The following ZFP62 variants were observed in gnomAD, a reference collection of about 807,000 sequenced individuals.
ZFP62 encodes the protein ZFP62 zinc finger protein.
A neutral mutation model predicts 56.4 loss-of-function variants in ZFP62; 44 were observed. That is an observed-to-expected ratio of 0.78 (90% confidence interval 0.61 to 1.00). The LOEUF (loss-of-function observed/expected upper bound fraction) is 1.00, where lower values mean the gene tolerates loss of function less well. Among genes scored for constraint, ZFP62 ranks in the 50% least tolerant of loss-of-function variants. The pLI, the probability that ZFP62 is intolerant of heterozygous loss-of-function variation, is 0.00. For synonymous variants in ZFP62, 421 were observed against 388.9 expected (o/e 1.08, Z -0.97); for missense variants, 1,030 against 1,085.7 (o/e 0.95, Z 0.72).
In ZFP62 at chr5:180,851,313, A is replaced by G; in HGVS notation, c.182T>C (p.Met61Thr). 1 of 1,551,516 alleles carries G rather than the reference A, an allele frequency of 6.4e-7. No homozygotes were observed. The highest frequency in any genetic ancestry group is 8.7e-7 in the Non-Finnish European group (1 of 1,146,968). ...NQQKKPVENR[M>T]KEDKSSIREA... The stretch of plus-strand genomic sequence containing the variant: ...CCTGATGCTGCTTTTGTCCTCCTTC[A>G]TCCTGTTTTCCACAGGCTTTTTCTG... The change falls in exon 2 of 2, where the codon ATG becomes ACG. Residue 61 changes from methionine to threonine, a missense_variant. Coordinates refer to ENST00000502412, the MANE Select transcript of ZFP62 (RefSeq NM_001172638.2).
chr5:180,849,820 G>T lies in ZFP62; in HGVS notation c.1675C>A (p.Arg559=). 6.4e-7 allele frequency: 1 copy of T among 1,551,668 alleles called. No individual in the cohort carries two copies. Among genetic ancestry groups the T allele is most frequent in the Non-Finnish European group, 8.7e-7 (1 of 1,147,008 alleles). ...KVHKRIHTGE[R]PYKCEECGKA... is the part of the protein sequence containing the mutation. ...CCACATTCTTCACATTTGTAAGGTC[G>T]TTCCCCAGTGTGGATTCGTTTATGT... Residue 559 remains arginine, a synonymous_variant, in exon 2 of 2, where the codon CGA becomes AGA. Coordinates refer to ENST00000502412, the MANE Select transcript of ZFP62 (RefSeq NM_001172638.2).
rs1225721530 is a variant in ZFP62, at chr5:180,850,586, G to A, written c.909C>T (p.His303=). The change falls in exon 2 of 2, where the codon CAC becomes CAT. Residue 303 remains histidine, a synonymous_variant. Coordinates refer to ENST00000502412, the MANE Select transcript of ZFP62 (RefSeq NM_001172638.2). ...SSGLRVHKRI[H]TGEKPYECDE... is the part of the protein sequence containing the mutation. The stretch of plus-strand genomic sequence containing the variant: ...CACATTCGTAAGGTTTCTCACCTGT[G>A]TGGATCCTTTTATGGACCCTAAGGC... The A allele has an allele frequency of 2.6e-6, 4 of 1,561,598 alleles. No homozygotes were observed. Among genetic ancestry groups the A allele is most frequent in the Middle Eastern group, 3.3e-4 (2 of 6,004 alleles).
At position 180,850,349 on chromosome 5, in the gene ZFP62, C is replaced by A; in HGVS notation, c.1146G>T (p.Val382=). The A allele has an allele frequency of 6.4e-7, 1 of 1,569,014 alleles. No homozygotes were observed. Among genetic ancestry groups the A allele is most frequent in the East Asian group, 2.4e-5 (1 of 42,344 alleles). Residue 382 remains valine, a synonymous_variant, in exon 2 of 2, where the codon GTG becomes GTT. Coordinates refer to ENST00000502412, the MANE Select transcript of ZFP62 (RefSeq NM_001172638.2). ...KAFRNSSGLI[V]HKRIHTGEKP... Reference sequence around the variant, plus strand: ...TCTCTCCTGTGTGGATCCTTTTATGCACTATGAGGCCTGAGCTGTTCCTGA... The same window carrying A: ...TCTCTCCTGTGTGGATCCTTTTATGAACTATGAGGCCTGAGCTGTTCCTGA...
rs1179590644 is a variant in ZFP62 at position 180,849,334 on chromosome 5, T to C, written c.2161A>G (p.Arg721Gly). Reference sequence around the variant, plus strand: ...AAGGGTTTCTCCCCAAGATGGACTCTTTTATGGCTTATAAGAGTTCTGCTT... The same window carrying C: ...AAGGGTTTCTCCCCAAGATGGACTCCTTTATGGCTTATAAGAGTTCTGCTT... The part of the protein sequence containing the change: ...FSSRTLISHK[R>G]VHLGEKPFKC... The change falls in exon 2 of 2, where the codon AGA becomes GGA. Residue 721 changes from arginine (R) to glycine (G), a missense_variant. By Grantham distance (125) the Arg-to-Gly change is moderately radical (BLOSUM62 -2). Coordinates refer to ENST00000502412, the MANE Select transcript of ZFP62 (RefSeq NM_001172638.2). The C allele has an allele frequency of 6.4e-7, 1 of 1,551,930 alleles. No individual in the cohort carries two copies. The highest frequency in any genetic ancestry group is 8.7e-7 in the Non-Finnish European group (1 of 1,147,096).
rs897128860 is a variant in ZFP62, at chr5:180,849,876, T to C, written c.1619A>G (p.Lys540Arg). 1.9e-5 allele frequency: 30 copies of C among 1,551,652 alleles called. No individual in the cohort carries two copies. In the African/African-American group the frequency reaches 2.1e-4, roughly 11 times the overall value. Residue 540 changes from lysine to arginine, a missense_variant, in exon 2 of 2, where the codon AAA (lysine) becomes AGA (arginine). Coordinates refer to ENST00000502412, the MANE Select transcript of ZFP62 (RefSeq NM_001172638.2). ...AAGGCCAGAATTATTTCTGAAAGCT[T>C]TACCACACTCATCACACCCAAAGGG... ...EKPFGCDECG[K>R]AFRNNSGLKV...
the ZFP62 span, among the ~76,000 whole-genome samples, chr5:180,841,481 G>GGGGCTGC: frequency 6.6e-6 from 1 of 152,096 alleles, no homozygotes; most frequent in Admixed American, 6.6e-5. Context: ...AATACAAAGA[G>GGGGCTGC]GGGCTGTGGG....
rs1019250534 is a variant in ZFP62, at chr5:180,847,710, G to A, written c.*1082C>T. On this transcript the variant is annotated 3_prime_UTR_variant, in exon 2 of 2. Coordinates refer to ENST00000502412, the MANE Select transcript of ZFP62 (RefSeq NM_001172638.2). ...AGAGTGAGCCCTGAACAAAGTATTC[G>A]TTAACATTTTACAACAGACAACATA... The A allele has an allele frequency of 2.1e-5, 21 of 985,288 alleles. No individual in the cohort carries two copies. Among genetic ancestry groups the A allele is most frequent in the Non-Finnish European group, 1.9e-5 (16 of 829,932 alleles). 61.0% of individuals were successfully genotyped at this position (985,288 alleles called of 1,614,324 possible). A position where few individuals can be genotyped will look rare whatever the true frequency, so the allele number is the denominator to read the frequency against.
intron 1 of ZFP62, among the ~76,000 whole-genome samples, chr5:180,855,718 C>T (rs932034322): frequency 6.6e-6 from 1 of 152,160 alleles, no homozygotes; most frequent in Non-Finnish European, 1.5e-5. Flanking sequence ...ATTCTATTGC[C>T]TAAGTAGTTC....
Position 180,850,797 on chromosome 5 carries a change from G to C in ZFP62, c.698C>G (p.Ser233Cys), listed in dbSNP as rs1279431341. 6.3e-7 allele frequency: 1 copy of C among 1,582,216 alleles called. No individual in the cohort carries two copies. Among genetic ancestry groups the C allele is most frequent in the African/African-American group, 1.4e-5 (1 of 73,966 alleles). The change falls in exon 2 of 2, where the codon TCC becomes TGC. Residue 233 changes from serine to cysteine, a missense_variant. Ser to Cys is a moderately radical substitution (Grantham distance 112). Coordinates refer to ENST00000502412, the MANE Select transcript of ZFP62 (RefSeq NM_001172638.2). ...KNCKCDECGK[S>C]FNYSSVLDQH... ...GTCCAGAACAGAGCTATAATTGAAG[G>C]ATTTTCCACATTCATCACATTTACA...
chr5:180,851,565 T>G, intron 1 of ZFP62, 72 bp from the exon 2 acceptor site: 1 of 1,416,924 alleles, frequency 7.1e-7, no homozygotes, highest in Non-Finnish European at 9.3e-7. Context: ...GGAATAACAA[T>G]GAACAACATT....
chr5:180,850,962 A>G lies in ZFP62; in HGVS notation c.533T>C (p.Phe178Ser). ...GACCCGAAGGCTCGAGCTGCTCCGG[A>G]AAGTCCCTCCACAGTCATCACATTC... ...RYECDDCGGT[F>S]RSSSSLRVHK... The change falls in exon 2 of 2, where the codon TTC (phenylalanine) becomes TCC (serine). Residue 178 changes from phenylalanine (F) to serine (S), a missense_variant. Transcript: ENST00000502412. 6.4e-7 allele frequency: 1 copy of G among 1,554,012 alleles called. No individual in the cohort carries two copies. Among genetic ancestry groups the G allele is most frequent in the Non-Finnish European group, 8.7e-7 (1 of 1,148,566 alleles).
rs1050688854 is a variant in ZFP62, at chr5:180,861,218, C to T, written c.1+1G>A. On this transcript the variant is annotated splice_donor_variant, in intron 1 of 1. Transcript: ENST00000502412. LOFTEE classifies it high-confidence loss of function. ...GCGCGGGCGGCCGCGGACTCACGTA[C>T]TGGCTGTGGCGGCGCCGCGGGAACC... 5 of 398,124 alleles carry T rather than the reference C, an allele frequency of 1.3e-5. No individual in the cohort carries two copies. The highest frequency in any genetic ancestry group is 2.1e-5 in the African/African-American group (1 of 48,620). 24.7% of individuals were successfully genotyped at this position (398,124 alleles called of 1,614,324 possible).
At chr5:180,851,612 C>G (rs1323120313) in intron 1 of ZFP62, 119 bp from the exon 2 acceptor site, 2 of 1,178,544 alleles carry the variant, frequency 1.7e-6, no homozygotes, top group African/African-American at 1.5e-5. Context: ...TACTGTGTGA[C>G]AGGTACCATG....
the ZFP62 span, among the ~76,000 whole-genome samples, chr5:180,833,658 C>G: frequency 4.0e-5 from 6 of 150,692 alleles, no homozygotes; most frequent in Non-Finnish European, 8.8e-5. Flanking sequence ...TTCTCCACCA[C>G]TCTATGACAC....
chr5:180,848,089 A>T lies in ZFP62; in HGVS notation c.*703T>A. Reference sequence around the variant, plus strand: ...TATGGGAGTTCATCTGAAACTTTAAAAAAGTTTCATCCATTCAACTAATGT... The same window carrying T: ...TATGGGAGTTCATCTGAAACTTTAATAAAGTTTCATCCATTCAACTAATGT... On this transcript the variant is annotated 3_prime_UTR_variant, in exon 2 of 2. Transcript: ENST00000502412. 1.0e-6 allele frequency: 1 copy of T among 982,936 alleles called. No individual in the cohort carries two copies. Among genetic ancestry groups the T allele is most frequent in the Non-Finnish European group, 1.2e-6 (1 of 829,876 alleles). 60.9% of individuals were successfully genotyped at this position (982,936 alleles called of 1,614,324 possible).
In ZFP62 at chr5:180,860,994, C is replaced by G. The variant is rs552428869; in HGVS notation, c.1+225G>C. ...CGTCGCAGTTGTGGCCCACACAGAG[C>G]CCAGTCTGTTCCAGGGGCGCGCCCT... On this transcript the variant is annotated intron_variant, in intron 1 of 1. Coordinates refer to ENST00000502412, the MANE Select transcript of ZFP62 (RefSeq NM_001172638.2). Among the ~76,000 whole-genome samples, 38 of 152,312 alleles carry G rather than the reference C, an allele frequency of 2.5e-4. No individual in the cohort carries two copies. The South Asian group carries it at 7.5e-3, about 30-fold the overall frequency.
At chr5:180,845,878 CA>C, downstream of ZFP62, 1 of 985,454 alleles carries the variant, frequency 1.0e-6, no homozygotes, top group Non-Finnish European at 1.2e-6. Context: ...TCTTCATACA[CA>C]AAACATGAAA....
chr5:180,831,530 G>A, the ZFP62 span: 6 of 152,298 alleles, frequency 3.9e-5, no homozygotes, highest in South Asian at 2.1e-4. Flanking sequence ...TCCGGCCTCA[G>A]GCCGCGGTGT....
At position 180,850,338 on chromosome 5, in the gene ZFP62, A is replaced by G. The variant is rs1244019333; in HGVS notation, c.1157T>C (p.Ile386Thr). Residue 386 changes from isoleucine (I) to threonine (T), a missense_variant, in exon 2 of 2, where the codon ATC becomes ACC. Coordinates refer to ENST00000502412, the MANE Select transcript of ZFP62 (RefSeq NM_001172638.2). ...CTTGTAAGGTTTCTCTCCTGTGTGG[A>G]TCCTTTTATGCACTATGAGGCCTGA... ...NSSGLIVHKR[I>T]HTGEKPYKCD... The G allele has an allele frequency of 1.3e-6, 2 of 1,571,112 alleles. No individual in the cohort carries two copies. Among genetic ancestry groups the G allele is most frequent in the Non-Finnish European group, 1.7e-6 (2 of 1,158,250 alleles).
Sources: gnomAD v4.1 joint callset for allele counts (sites outside exome capture counted in the v4.1 genomes callset) on GRCh38, gnomAD v4.1.1 for gene constraint, MANE v1.5 for transcripts, NCBI Gene and HGNC (gene_info 2026-07-23, HGNC 2026-07-21) for gene names.